PWWP2A: variants seen among roughly 807,000 people sequenced by gnomAD.
PWWP2A encodes PWWP domain containing 2A.
A neutral mutation model predicts 48.5 loss-of-function variants in PWWP2A; 18 were observed. The observed-to-expected ratio is 0.37, with a 90% CI of 0.26 to 0.55. PWWP2A has a LOEUF of 0.55. Among genes scored for constraint, PWWP2A ranks in the 20% least tolerant of loss-of-function variants. The pLI, the probability that PWWP2A is intolerant of heterozygous loss-of-function variation, is 0.81. For synonymous variants in PWWP2A, 396 were observed against 387.7 expected, an observed-to-expected ratio of 1.02 and a Z score of -0.25; for missense variants, 867 against 976.4, an observed-to-expected ratio of 0.89 and a Z score of 1.49.
At chr5:160,085,256 T>A (rs913605703) in intron 2 of PWWP2A, among the ~76,000 whole-genome samples, 5 of 152,094 alleles carry the variant, frequency 3.3e-5, no homozygotes, top group African/African-American at 1.2e-4. Flanking sequence ...GAGACTGTAA[T>A]CCAAGGTGCT....
chr5:160,074,988 C>T (rs906350655), downstream of PWWP2A, among the ~76,000 whole-genome samples: 1 of 151,896 alleles, frequency 6.6e-6, no homozygotes, highest in Non-Finnish European at 1.5e-5. Flanking sequence ...AATGAACTTA[C>T]GCTTTCTTAT....
At chr5:160,060,281 A>T (rs1233201403), downstream of PWWP2A, among the ~76,000 whole-genome samples, 1 of 152,260 alleles carries the variant, frequency 6.6e-6, no homozygotes, top group Non-Finnish European at 1.5e-5. Flanking sequence ...ATGCACAGTC[A>T]GTATCTCCAA....
intron 3 of PWWP2A, among the ~76,000 whole-genome samples, chr5:160,080,419 G>A (rs1754145796): frequency 6.6e-6 from 1 of 152,166 alleles, no homozygotes; most frequent in South Asian, 2.1e-4. Context: ...TCAATTCACA[G>A]AAGCTCACAG....
chr5:160,073,340 T>G (rs1277971409), downstream of PWWP2A, among the ~76,000 whole-genome samples: 1 of 151,766 alleles, frequency 6.6e-6, no homozygotes, highest in African/African-American at 2.4e-5. Context: ...GCCATCCTCC[T>G]GCCTCAGCCT....
chr5:160,046,495 T>TC, the PWWP2A span, among the ~76,000 whole-genome samples: 11 of 152,306 alleles, frequency 7.2e-5, no homozygotes, highest in South Asian at 4.1e-4. Context: ...TCTTTTTTTT[T>TC]CCCCTCTGTA....
intron 1 of PWWP2A, among the ~76,000 whole-genome samples, chr5:160,117,078 ACT>A (rs1758213774): frequency 6.6e-6 from 1 of 152,070 alleles, no homozygotes; most frequent in African/African-American, 2.4e-5. Context: ...CAAGAGCGAA[ACT>A]CTGTCTCAAA....
intron 3 of PWWP2A, chr5:160,080,608 T>C (rs1160835651): frequency 2.7e-6 from 4 of 1,475,320 alleles, no homozygotes; most frequent in South Asian, 1.3e-5. Context: ...AGTGATGACA[T>C]GATGCCCTCT....
At chr5:160,112,063 G>C (rs1236757514) in intron 1 of PWWP2A, among the ~76,000 whole-genome samples, 1 of 142,308 alleles carries the variant, frequency 7.0e-6, no homozygotes, top group Non-Finnish European at 1.5e-5. Context: ...GGAGGTTGAG[G>C]CTGCAGTGAA....
At chr5:160,081,201 T>C (rs1409729572) in intron 2 of PWWP2A, among the ~76,000 whole-genome samples, 1 of 152,108 alleles carries the variant, frequency 6.6e-6, no homozygotes, top group Non-Finnish European at 1.5e-5. Context: ...AACCGTCATC[T>C]CTGTCCACAC....
Position 160,081,239 on chromosome 5 carries a change from C to CTTTT in PWWP2A, c.1550-473_1550-470dup, listed in dbSNP as rs11410217. ...CATAATTAATGAGCTCAATGACCCC[C>CTTTT]TTTTTTTTTTTTTTTTTTTGAGACA... On this transcript the variant is annotated intron_variant, in intron 2 of 3. Transcript: ENST00000456329. 7.6e-4 allele frequency among the ~76,000 whole-genome samples: 102 copies of CTTTT among 133,736 alleles called. 2 individuals carry two copies. Among genetic ancestry groups the CTTTT allele is most frequent in the African/African-American group, 2.5e-3 (90 of 36,070 alleles). 87.7% of individuals were successfully genotyped at this position (133,736 alleles called of 152,430 possible). A position where few individuals can be genotyped will look rare whatever the true frequency, so the allele number is the denominator to read the frequency against.
chr5:160,098,930 C>T (rs1448326452), intron 1 of PWWP2A, among the ~76,000 whole-genome samples: 3 of 152,050 alleles, frequency 2.0e-5, no homozygotes, highest in Non-Finnish European at 2.9e-5. Flanking sequence ...GGTGACAGGG[C>T]GAGACTCCAC....
intron 2 of PWWP2A, among the ~76,000 whole-genome samples, chr5:160,068,074 G>A (rs1753655953): frequency 6.6e-6 from 1 of 152,004 alleles, no homozygotes; most frequent in Non-Finnish European, 1.5e-5. Flanking sequence ...CCAGCTACTT[G>A]GGAGGCTAAG....
the PWWP2A span, chr5:160,049,617 A>T: frequency 6.2e-7 from 1 of 1,607,090 alleles, no homozygotes; most frequent in Non-Finnish European, 8.5e-7. Flanking sequence ...ATAAATCTAT[A>T]TTAGAAAAAG....
chr5:160,109,807 ATAAAAT>A (rs1475158229), intron 1 of PWWP2A, among the ~76,000 whole-genome samples: 2 of 126,836 alleles, frequency 1.6e-5, no homozygotes, highest in African/African-American at 5.9e-5. Flanking sequence ...ATATATATAT[ATAAAAT>A]AATATAATAA....
chr5:160,064,480 C>T (rs1472372714), intron 4 of PWWP2A, among the ~76,000 whole-genome samples: 1 of 152,224 alleles, frequency 6.6e-6, no homozygotes, highest in Non-Finnish European at 1.5e-5. Context: ...AGTTGAATTA[C>T]ATTTAGCAGG....
the PWWP2A span, among the ~76,000 whole-genome samples, chr5:160,046,821 G>T: frequency 5.3e-5 from 8 of 152,132 alleles, no homozygotes; most frequent in African/African-American, 1.9e-4. Context: ...AGACCAGCCT[G>T]ATCATTATGG....
Position 160,111,673 on chromosome 5 carries a change from G to A in PWWP2A, c.584+7132C>T, listed in dbSNP as rs140158726. On this transcript the variant is annotated intron_variant, in intron 1 of 1. Coordinates refer to ENST00000307063, the MANE Select transcript of PWWP2A (RefSeq NM_001130864.2). ...AATCATTAAGACAGTTTAGAATCCT[G>A]AAGGAATGCTTACTATATATCAAAA... 2.2e-3 allele frequency among the ~76,000 whole-genome samples: 340 copies of A among 152,254 alleles called. 2 individuals are homozygous for A. The highest frequency in any genetic ancestry group is 7.7e-3 in the African/African-American group (318 of 41,560).
downstream of PWWP2A, among the ~76,000 whole-genome samples, chr5:160,086,432 G>A (rs1002674728): frequency 3.3e-5 from 5 of 152,180 alleles, no homozygotes; most frequent in East Asian, 1.9e-4. Context: ...CAGGAGAATC[G>A]CCTGAGCCCA....
chr5:160,091,168 T>A (rs1341064593), downstream of PWWP2A: 2 of 973,670 alleles, frequency 2.1e-6, no homozygotes, highest in Non-Finnish European at 2.4e-6. Flanking sequence ...GAGAATATAC[T>A]GATTCATCTC....
Sources: allele counts gnomAD v4.1 joint callset (sites outside exome capture counted in the v4.1 genomes callset), GRCh38; gene constraint gnomAD v4.1.1; transcripts MANE v1.5; gene names NCBI Gene and HGNC (gene_info 2026-07-23, HGNC 2026-07-21).